ZFYVE28: variants seen among roughly 807,000 people sequenced by gnomAD.
ZFYVE28 encodes zinc finger FYVE-type containing 28, also known as lateral signaling target protein 2 homolog.
In ZFYVE28, 40 loss-of-function variants were observed where a neutral mutation model predicts 82.1. That is an observed-to-expected ratio of 0.49 (90% CI 0.38 to 0.63). The LOEUF is 0.63. Among genes scored for constraint, ZFYVE28 ranks in the 30% least tolerant of loss-of-function variants. The probability of loss-of-function intolerance (pLI) is 0.00; values close to 1 mark genes in which losing one functional copy is unlikely to be tolerated. For missense variants in ZFYVE28, 1,321 were observed against 1,242.1 expected, an observed-to-expected ratio of 1.06 and a Z score of -0.96; for synonymous variants, 612 against 546.1, an observed-to-expected ratio of 1.12 and a Z score of -1.68.
intron 7 of ZFYVE28, among the ~76,000 whole-genome samples, chr4:2,310,719 G>A (rs551792099): frequency 5.3e-5 from 8 of 152,168 alleles, no homozygotes; most frequent in African/African-American, 7.2e-5. Flanking sequence ...TGGGAGGATC[G>A]CTTGAGCCTG....
At chr4:2,375,686 C>T (rs13104914) in intron 1 of ZFYVE28, among the ~76,000 whole-genome samples, 101,428 of 151,874 alleles carry the variant, frequency 0.67, 34,196 homozygotes, top group East Asian at 0.8. Context: ...TGTGCCGCCC[C>T]CACCTCTTAT....
chr4:2,363,103 C>T (rs770750886), intron 1 of ZFYVE28, among the ~76,000 whole-genome samples: 1 of 152,132 alleles, frequency 6.6e-6, no homozygotes, highest in East Asian at 1.9e-4. Context: ...AAGACCCTGG[C>T]AGTTCTAGGG....
At chr4:2,272,871 C>T (rs1182734883) in intron 10 of ZFYVE28, among the ~76,000 whole-genome samples, 7 of 152,362 alleles carry the variant, frequency 4.6e-5, no homozygotes, top group African/African-American at 1.7e-4. Flanking sequence ...GAAGCCGGGG[C>T]TGTGGGCACA....
At chr4:2,327,153 G>C (rs1179483738) in intron 6 of ZFYVE28, among the ~76,000 whole-genome samples, 1 of 151,128 alleles carries the variant, frequency 6.6e-6, no homozygotes, top group Non-Finnish European at 1.5e-5. Flanking sequence ...AGGAGGCTGA[G>C]GCAGGAGAAT....
At chr4:2,299,805 GT>G in intron 8 of ZFYVE28, among the ~76,000 whole-genome samples, 1 of 151,062 alleles carries the variant, frequency 6.6e-6, no homozygotes, top group Non-Finnish European at 1.5e-5. Flanking sequence ...TATTTGTTTT[GT>G]TTTTTAAAAA....
chr4:2,346,148 G>C (rs577261654), intron 2 of ZFYVE28, among the ~76,000 whole-genome samples: 14 of 143,844 alleles, frequency 9.7e-5, no homozygotes, highest in Non-Finnish European at 1.7e-4. Flanking sequence ...CTAATACGGT[G>C]AAACCCCGTC....
In ZFYVE28 at chr4:2,339,731, G is replaced by C. The variant is rs966117397; in HGVS notation, c.319-76C>G. 7.0e-7 allele frequency: 1 copy of C among 1,422,420 alleles called. No homozygotes were observed. The highest frequency in any genetic ancestry group is 9.4e-7 in the Non-Finnish European group (1 of 1,063,000). 88.1% of individuals were successfully genotyped at this position (1,422,420 alleles called of 1,614,324 possible). On this transcript the variant is annotated intron_variant, in intron 3 of 12. Transcript: ENST00000290974. The surrounding 1 kb of genome is among the most constrained non-coding windows in gnomAD (Gnocchi z 5.0). The stretch of plus-strand genomic sequence containing the variant: ...CAGGGGTCGCCGACCCGGGGAACCT[G>C]ACTGCGCACCTCGGGGCCCCTCTTC...
At chr4:2,361,404 G>A (rs1399770528) in intron 1 of ZFYVE28, among the ~76,000 whole-genome samples, 2 of 152,210 alleles carry the variant, frequency 1.3e-5, no homozygotes, top group African/African-American at 2.4e-5. Context: ...TTGGAGGCAC[G>A]TGCAGGGAGA....
intron 8 of ZFYVE28, among the ~76,000 whole-genome samples, chr4:2,288,130 C>G (rs1216813500): frequency 1.3e-5 from 2 of 152,144 alleles, no homozygotes; most frequent in Non-Finnish European, 2.9e-5. Flanking sequence ...GCACAGTCAC[C>G]ATACAGCAGG....
chr4:2,285,464 G>A (rs1712583320), intron 8 of ZFYVE28: 3 of 152,308 alleles, frequency 2.0e-5, no homozygotes. Context: ...ATAACTTCCA[G>A]CAGCAAGTAA....
intron 1 of ZFYVE28, among the ~76,000 whole-genome samples, chr4:2,410,581 C>T (rs2108686532): frequency 6.6e-6 from 1 of 151,872 alleles, no homozygotes; most frequent in South Asian, 2.1e-4. Flanking sequence ...CTGCAAGCTC[C>T]GCCTCCCAGG....
At chr4:2,380,408 T>G (rs1399339738) in intron 1 of ZFYVE28, among the ~76,000 whole-genome samples, 1 of 152,248 alleles carries the variant, frequency 6.6e-6, no homozygotes, top group Non-Finnish European at 1.5e-5. Context: ...TGCCGAGTTA[T>G]CGGCTAAGAA....
intron 7 of ZFYVE28, among the ~76,000 whole-genome samples, chr4:2,317,778 G>A (rs1360363118): frequency 1.3e-5 from 2 of 152,072 alleles, no homozygotes; most frequent in East Asian, 1.9e-4. Flanking sequence ...GATTACAGGC[G>A]TCCGCCACCA....
At chr4:2,346,096 G>A (rs1236185493) in intron 2 of ZFYVE28, among the ~76,000 whole-genome samples, 16 of 151,374 alleles carry the variant, frequency 1.1e-4, no homozygotes, top group Middle Eastern at 3.4e-3. Context: ...TGGGAGGCCA[G>A]GGCGGGTGGA....
chr4:2,273,478 G>C (rs1736100827), intron 9 of ZFYVE28, among the ~76,000 whole-genome samples, 189 bp from the exon 10 acceptor site: 1 of 152,198 alleles, frequency 6.6e-6, no homozygotes, highest in Non-Finnish European at 1.5e-5. Context: ...AAACTCGGGA[G>C]TCGAGAGAGA....
intron 1 of ZFYVE28, among the ~76,000 whole-genome samples, chr4:2,370,090 C>T (rs1727368393): frequency 6.6e-6 from 1 of 151,738 alleles, no homozygotes; most frequent in Non-Finnish European, 1.5e-5. Flanking sequence ...TCTCGTGATC[C>T]GCCCGCCTTA....
intron 8 of ZFYVE28, among the ~76,000 whole-genome samples, chr4:2,295,223 G>A (rs555188958): frequency 2.1e-4 from 32 of 152,226 alleles, no homozygotes; most frequent in African/African-American, 6.5e-4. Flanking sequence ...GTGCAGTGAC[G>A]CAATCTTGGC....
intron 8 of ZFYVE28, 130 bp from the exon 9 acceptor site, chr4:2,274,346 C>G (rs1736205839): frequency 1.7e-6 from 2 of 1,183,526 alleles, no homozygotes; most frequent in Non-Finnish European, 2.3e-6. Context: ...TATCTGTTGC[C>G]CAGATACACA....
chr4:2,341,461 G>A lies in ZFYVE28; in HGVS notation c.318+17C>T, dbSNP rs372508110. 30 of 1,611,990 alleles carry A rather than the reference G, an allele frequency of 1.9e-5. No homozygotes were observed. The highest frequency in any genetic ancestry group is 9.9e-5 in the South Asian group (9 of 90,964). ...ACCCCACATCAGGACCTCCGAACCC[G>A]GGTGGCCACCCGCTACCTCGGCACC... On this transcript the variant is annotated intron_variant, in intron 3 of 12. Coordinates refer to ENST00000290974, the MANE Select transcript of ZFYVE28 (RefSeq NM_020972.3). The surrounding 1 kb of genome is among the most constrained non-coding windows in gnomAD (Gnocchi z 4.5).
Sources: gnomAD v4.1 joint callset for allele counts (sites outside exome capture counted in the v4.1 genomes callset) on GRCh38, gnomAD v4.1.1 for gene constraint, Gnocchi (gnomAD v3.1) non-coding constraint, MANE v1.5 for transcripts, NCBI Gene and HGNC (gene_info 2026-07-23, HGNC 2026-07-21) for gene names.